The following CDC42BPA variants were observed in gnomAD, a reference collection of about 807,000 sequenced individuals.
The protein encoded by CDC42BPA is CDC42 binding protein kinase alpha.
Under a neutral mutation model 223.5 loss-of-function variants are expected in CDC42BPA, and 80 were observed. The observed-to-expected ratio is 0.36, with a 90% CI of 0.30 to 0.43. The LOEUF is 0.43. Ranked by LOEUF, CDC42BPA falls within the 20% of genes least tolerant of loss-of-function variation. The probability of loss-of-function intolerance (pLI) is 1.00; values close to 1 mark genes in which losing one functional copy is unlikely to be tolerated. For missense variants in CDC42BPA, 1,743 were observed against 2,099.9 expected, an observed-to-expected ratio of 0.83 and a Z score of 3.32; for synonymous variants, 694 against 718.6, an observed-to-expected ratio of 0.97 and a Z score of 0.55.
rs1678968257 is a variant in CDC42BPA, at chr1:227,074,068, T to C, written c.2587-56A>G. On this transcript the variant is annotated intron_variant, in intron 18 of 36. Coordinates refer to ENST00000366766, the MANE Select transcript of CDC42BPA (RefSeq NM_001394014.1). ...ATCCTATTTTTAACATTTAAATTAT[T>C]ATAGTTAACCAGCTGTGTGTTATGT... The C allele has an allele frequency of 3.2e-6, 5 of 1,552,070 alleles. No individual in the cohort carries two copies. The East Asian group carries it at 1.1e-4, about 35-fold the overall frequency.
intron 21 of CDC42BPA, among the ~76,000 whole-genome samples, chr1:227,061,481 A>G (rs1184037814): frequency 6.6e-6 from 1 of 152,206 alleles, no homozygotes; most frequent in Non-Finnish European, 1.5e-5. Flanking sequence ...TAAGTGGTAG[A>G]GCCAGGATTC....
chr1:227,067,120 G>C (rs1677247709), intron 21 of CDC42BPA, among the ~76,000 whole-genome samples: 1 of 152,070 alleles, frequency 6.6e-6, no homozygotes, highest in African/African-American at 2.4e-5. Flanking sequence ...TATTTATACT[G>C]AGCTCATGTT....
intron 10 of CDC42BPA, among the ~76,000 whole-genome samples, chr1:227,137,712 A>G (rs1373758305): frequency 6.6e-6 from 1 of 152,096 alleles, no homozygotes; most frequent in East Asian, 1.9e-4. Context: ...GATATATACA[A>G]AACATGGGTG....
At chr1:227,293,026 T>C (rs954031910) in intron 1 of CDC42BPA, among the ~76,000 whole-genome samples, 1 of 152,226 alleles carries the variant, frequency 6.6e-6, no homozygotes, top group Non-Finnish European at 1.5e-5. Context: ...TTCTTCATCA[T>C]AGCTACTGAC....
At chr1:227,194,321 G>A (rs1340209422) in intron 4 of CDC42BPA, among the ~76,000 whole-genome samples, 2 of 152,092 alleles carry the variant, frequency 1.3e-5, no homozygotes, top group Non-Finnish European at 2.9e-5. Context: ...TGGAATACAG[G>A]ATAGTCCCTA....
intron 5 of CDC42BPA, among the ~76,000 whole-genome samples, chr1:227,175,020 T>C (rs1331949285): frequency 1.3e-5 from 2 of 152,060 alleles, no homozygotes; most frequent in African/African-American, 4.8e-5. Context: ...TATTCCTTTT[T>C]ATATTCTGCC....
At chr1:227,165,618 T>C (rs1480433562) in intron 5 of CDC42BPA, among the ~76,000 whole-genome samples, 2 of 151,924 alleles carry the variant, frequency 1.3e-5, no homozygotes, top group Non-Finnish European at 2.9e-5. Context: ...AGATCAAAAA[T>C]AGTGATAAAA....
At chr1:227,233,671 C>T (rs768236771) in intron 2 of CDC42BPA, among the ~76,000 whole-genome samples, 1 of 152,126 alleles carries the variant, frequency 6.6e-6, no homozygotes, top group Non-Finnish European at 1.5e-5. Context: ...CGGTGGCTCA[C>T]GCCTGTAATC....
intron 5 of CDC42BPA, among the ~76,000 whole-genome samples, chr1:227,163,067 TAAATGTGTGTATGTTTCCAAAC>T (rs1558649637): frequency 1.3e-4 from 7 of 52,928 alleles, no homozygotes; most frequent in Admixed American, 4.7e-4. Context: ...TTTCCAAACA[TAAATGTGTGTATGTTTCCAAAC>T]ATGTGTGTTT....
chr1:227,144,568 C>CTGTCTT (rs1182203701), intron 8 of CDC42BPA, among the ~76,000 whole-genome samples: 5 of 42,592 alleles, frequency 1.2e-4, no homozygotes, highest in South Asian at 2.5e-3. Flanking sequence ...GAGCGAGACT[C>CTGTCTT]TGTCTCAAAA....
intron 2 of CDC42BPA, among the ~76,000 whole-genome samples, chr1:227,217,241 G>A (rs937067934): frequency 2.0e-5 from 3 of 152,036 alleles, no homozygotes; most frequent in Non-Finnish European, 4.4e-5. Context: ...GAGGTCAGGA[G>A]TTCGAGACCA....
At chr1:227,175,708 C>A (rs1012821003) in intron 5 of CDC42BPA, among the ~76,000 whole-genome samples, 11 of 152,094 alleles carry the variant, frequency 7.2e-5, no homozygotes, top group African/African-American at 2.4e-4. Flanking sequence ...CAATTTGACT[C>A]CTGTATCCTT....
rs58457247 is a variant in CDC42BPA at position 227,220,309 on chromosome 1, T to TATAC, written c.271-7094_271-7091dup. Reference sequence around the variant, plus strand: ...ATATATATATATATATATATATATATATACACACACACACACACATACATA... The same window carrying TATAC: ...ATATATATATATATATATATATATATATACATACACACACACACACACATACATA... On this transcript the variant is annotated intron_variant, in intron 2 of 36. Coordinates refer to ENST00000366766, the MANE Select transcript of CDC42BPA (RefSeq NM_001394014.1). Among the ~76,000 whole-genome samples the TATAC allele has an allele frequency of 2.4e-3, 180 of 75,386 alleles. 1 individual carries two copies. Among genetic ancestry groups the TATAC allele is most frequent in the African/African-American group, 9.8e-3 (177 of 17,982 alleles). 49.5% of individuals were successfully genotyped at this position (75,386 alleles called of 152,430 possible). A position where few individuals can be genotyped will look rare whatever the true frequency, so the allele number is the denominator to read the frequency against.
intron 12 of CDC42BPA, among the ~76,000 whole-genome samples, chr1:227,114,865 C>T (rs1180906665): frequency 1.3e-5 from 2 of 151,958 alleles, no homozygotes; most frequent in African/African-American, 4.8e-5. Context: ...TAAAATTAAA[C>T]GTCTTTAAAT....
At chr1:227,046,330 G>A (rs1320021856) in intron 23 of CDC42BPA, among the ~76,000 whole-genome samples, 3 of 152,072 alleles carry the variant, frequency 2.0e-5, no homozygotes, top group African/African-American at 7.2e-5. Context: ...TGGACCCGAG[G>A]ATCCACTGAT....
chr1:227,055,329 G>T (rs547825349), intron 21 of CDC42BPA, among the ~76,000 whole-genome samples: 1 of 151,818 alleles, frequency 6.6e-6, no homozygotes, highest in East Asian at 1.9e-4. Context: ...TTTAATTATC[G>T]CCAACCAGAC....
intron 2 of CDC42BPA, among the ~76,000 whole-genome samples, chr1:227,227,617 T>C (rs1677076114): frequency 6.6e-6 from 1 of 152,186 alleles, no homozygotes; most frequent in African/African-American, 2.4e-5. Flanking sequence ...CTAAGAATAC[T>C]AATGGATATC....
At chr1:227,203,394 T>G (rs1220485816) in intron 3 of CDC42BPA, among the ~76,000 whole-genome samples, 1 of 152,082 alleles carries the variant, frequency 6.6e-6, no homozygotes. Context: ...CAACAAAGCA[T>G]TATCTGGCCC....
chr1:227,061,142 T>C (rs970631195), intron 21 of CDC42BPA, among the ~76,000 whole-genome samples: 5 of 152,188 alleles, frequency 3.3e-5, no homozygotes, highest in Admixed American at 6.5e-5. Flanking sequence ...TTTTCCATTA[T>C]GGAGGCTAAA....
Sources: allele counts gnomAD v4.1 joint callset (sites outside exome capture counted in the v4.1 genomes callset), GRCh38; gene constraint gnomAD v4.1.1; transcripts MANE v1.5; gene names NCBI Gene and HGNC (gene_info 2026-07-23, HGNC 2026-07-21).